The following SORCS3 variants were observed in gnomAD, a reference collection of about 807,000 sequenced individuals.
The protein encoded by SORCS3 is VPS10 domain-containing receptor SorCS3.
In SORCS3, 57 loss-of-function variants were observed where a neutral mutation model predicts 146.3. The ratio of observed to expected loss-of-function variants is 0.39; its 90% CI spans 0.31 to 0.49. The LOEUF (loss-of-function observed/expected upper bound fraction) is 0.49, where lower values mean the gene tolerates loss of function less well. Ranked by LOEUF, SORCS3 falls within the 20% of genes least tolerant of loss-of-function variation. SORCS3 has a pLI of 0.92. For synonymous variants in SORCS3, 653 were observed against 618.5 expected, an observed-to-expected ratio of 1.06 and a Z score of -0.83; for missense variants, 1,341 against 1,575.5, an observed-to-expected ratio of 0.85 and a Z score of 2.52.
intron 1 of SORCS3, among the ~76,000 whole-genome samples, chr10:104,813,929 C>CTTTTTTTTT (rs35625517): frequency 4.3e-5 from 5 of 116,150 alleles, no homozygotes; most frequent in Non-Finnish European, 5.7e-5. Context: ...TCTTTTCTTT[C>CTTTTTTTTT]TTTTTTTTTT....
intron 3 of SORCS3, among the ~76,000 whole-genome samples, chr10:104,929,423 T>G (rs375001792): frequency 1.6e-4 from 24 of 152,276 alleles, no homozygotes; most frequent in African/African-American, 5.8e-4. Flanking sequence ...TCAGCAAATA[T>G]ATAGAAAAAG....
chr10:104,728,249 G>C (rs1196342727), intron 1 of SORCS3, among the ~76,000 whole-genome samples: 1 of 151,916 alleles, frequency 6.6e-6, no homozygotes, highest in Admixed American at 6.6e-5. Context: ...TAGAATTTCT[G>C]CTTCTAAGAT....
At position 104,798,224 on chromosome 10, in the gene SORCS3, G is replaced by A. The variant is rs1264509702; in HGVS notation, c.628-44568G>A. ...GGTACAGCTCTGGGGTGCCTGGGTGGTGGTAGGATACATGCAGAACTTGGA... is the reference window on the plus strand; with the variant it reads ...GGTACAGCTCTGGGGTGCCTGGGTGATGGTAGGATACATGCAGAACTTGGA... On this transcript the variant is annotated intron_variant, in intron 1 of 26. Transcript: ENST00000369701. 3.9e-5 allele frequency among the ~76,000 whole-genome samples: 6 copies of A among 152,268 alleles called. No individual in the cohort carries two copies. The East Asian group carries it at 1.2e-3, about 29-fold the overall frequency.
In SORCS3 at chr10:105,262,476, G is replaced by A; in HGVS notation, c.3589G>A (p.Asp1197Asn). The stretch of plus-strand genomic sequence containing the variant: ...TGAGGAGCTGCTGGACAAAGAGCTG[G>A]ACACGCGGGTCATAGGTACATGCTC... Reference protein sequence around the residue: ...EPEELLDKELDTRVIGGIATI... With the variant: ...EPEELLDKELNTRVIGGIATI... Residue 1197 changes from aspartate to asparagine, a missense_variant, in exon 26 of 27, where the codon GAC (aspartate) becomes AAC (asparagine). Asp to Asn is a conservative substitution (Grantham distance 23). Transcript: ENST00000369701. The A allele has an allele frequency of 6.2e-7, 1 of 1,613,576 alleles. No individual in the cohort carries two copies. The highest frequency in any genetic ancestry group is 1.3e-5 in the African/African-American group (1 of 75,000).
At chr10:105,197,652 G>A (rs1162583456) in intron 14 of SORCS3, among the ~76,000 whole-genome samples, 1 of 152,146 alleles carries the variant, frequency 6.6e-6, no homozygotes, top group African/African-American at 2.4e-5. Context: ...AAACTCTTAA[G>A]CTGCTATTAT....
intron 3 of SORCS3, among the ~76,000 whole-genome samples, chr10:104,945,801 T>C (rs896753317): frequency 1.1e-4 from 17 of 150,100 alleles, no homozygotes; most frequent in African/African-American, 4.2e-4. Context: ...TTTTTTTTTT[T>C]AAACTGTGTT....
intron 20 of SORCS3, among the ~76,000 whole-genome samples, chr10:105,225,133 G>T (rs192781849): frequency 6.6e-6 from 1 of 151,930 alleles, no homozygotes; most frequent in Non-Finnish European, 1.5e-5. Context: ...TGCCATTGGT[G>T]TTGTATCTCA....
chr10:104,779,832 C>T (rs1416074946), intron 1 of SORCS3, among the ~76,000 whole-genome samples: 2 of 152,214 alleles, frequency 1.3e-5, no homozygotes, highest in Non-Finnish European at 2.9e-5. Context: ...CAAGTCTCTA[C>T]TCTGCCCTGC....
intron 1 of SORCS3, among the ~76,000 whole-genome samples, chr10:104,713,400 T>C (rs2016441687): frequency 6.6e-6 from 1 of 152,204 alleles, no homozygotes; most frequent in Admixed American, 6.5e-5. Flanking sequence ...TTTCTTTTTC[T>C]TAGCTCATGT....
At chr10:105,028,013 T>G (rs903728300) in intron 4 of SORCS3, among the ~76,000 whole-genome samples, 4 of 152,252 alleles carry the variant, frequency 2.6e-5, no homozygotes, top group Non-Finnish European at 5.9e-5. Context: ...ACGTAGATAC[T>G]TAACCTTGTA....
At chr10:105,045,244 A>T (rs552195810) in intron 5 of SORCS3, among the ~76,000 whole-genome samples, 1 of 152,214 alleles carries the variant, frequency 6.6e-6, no homozygotes, top group Admixed American at 6.6e-5. Context: ...GAGCAAGAGG[A>T]GAAGGTTCTA....
At chr10:104,663,023 G>A (rs1405302812) in intron 1 of SORCS3, among the ~76,000 whole-genome samples, 3 of 152,194 alleles carry the variant, frequency 2.0e-5, no homozygotes, top group African/African-American at 7.2e-5. Flanking sequence ...CAACTTGTTA[G>A]TGGAAGGAGC....
intron 2 of SORCS3, among the ~76,000 whole-genome samples, chr10:104,857,610 C>CTTGT (rs2018348686): frequency 6.6e-6 from 1 of 152,166 alleles, no homozygotes; most frequent in African/African-American, 2.4e-5. Flanking sequence ...TCAGAGCTTC[C>CTTGT]TTGTTTGAAG....
intron 2 of SORCS3, among the ~76,000 whole-genome samples, chr10:104,859,081 A>T (rs186988006): frequency 6.6e-6 from 1 of 152,200 alleles, no homozygotes; most frequent in East Asian, 1.9e-4. Flanking sequence ...TGTTGCATAC[A>T]TGCATTTACA....
chr10:105,168,141 CAG>C (rs1405394490), intron 13 of SORCS3, among the ~76,000 whole-genome samples: 1 of 151,980 alleles, frequency 6.6e-6, no homozygotes, highest in East Asian at 1.9e-4. Flanking sequence ...AGAATTGAAA[CAG>C]AGGTGGGGAT....
chr10:104,753,854 CA>C (rs772381246), intron 1 of SORCS3, among the ~76,000 whole-genome samples: 74 of 152,302 alleles, frequency 4.9e-4, no homozygotes, highest in Admixed American at 2.4e-3. Flanking sequence ...CCTATAGCTA[CA>C]AGAATTTTGG....
chr10:105,064,468 A>G (rs775931761), intron 5 of SORCS3, among the ~76,000 whole-genome samples: 1 of 152,190 alleles, frequency 6.6e-6, no homozygotes, highest in East Asian at 1.9e-4. Context: ...AGGTACCCCA[A>G]TAGGTCTTCT....
At chr10:104,930,906 T>G (rs1180804252) in intron 3 of SORCS3, among the ~76,000 whole-genome samples, 1 of 152,204 alleles carries the variant, frequency 6.6e-6, no homozygotes, top group African/African-American at 2.4e-5. Flanking sequence ...TGCAAATACT[T>G]AGTGAGTGAC....
chr10:104,807,571 C>A (rs1391347182), intron 1 of SORCS3, among the ~76,000 whole-genome samples: 1 of 152,164 alleles, frequency 6.6e-6, no homozygotes, highest in Non-Finnish European at 1.5e-5. Context: ...GTCTAAGAAT[C>A]CTACGTTTAG....
Sources: allele counts gnomAD v4.1 joint callset (sites outside exome capture counted in the v4.1 genomes callset), GRCh38; gene constraint gnomAD v4.1.1; transcripts MANE v1.5; gene names NCBI Gene and HGNC (gene_info 2026-07-23, HGNC 2026-07-21).